Variants in UBE2E1 observed in about 807,000 individuals in gnomAD.
UBE2E1 encodes ubiquitin conjugating enzyme E2 E1.
UBE2E1 carries 6 observed loss-of-function variants against 21.4 expected under a neutral mutation model. The observed-to-expected ratio is 0.28, with a 90% CI of 0.15 to 0.55. The LOEUF (loss-of-function observed/expected upper bound fraction) is 0.55. Ranked by LOEUF, UBE2E1 falls within the 20% of genes least tolerant of loss-of-function variation. The pLI is 0.93. For synonymous variants in UBE2E1, 87 were observed against 82.7 expected (o/e 1.05, Z -0.28); for missense variants, 142 against 236.5 (o/e 0.60, Z 2.62).
chr3:23,815,516 A>G (rs1699496572), intron 3 of UBE2E1, among the ~76,000 whole-genome samples: 2 of 152,234 alleles, frequency 1.3e-5, no homozygotes. Context: ...AGCACTTTGT[A>G]TACTTCCACG....
intron 3 of UBE2E1, among the ~76,000 whole-genome samples, chr3:23,860,287 G>A (rs1162853446): frequency 1.3e-5 from 2 of 152,178 alleles, no homozygotes; most frequent in Non-Finnish European, 2.9e-5. Context: ...GCTGGTGACT[G>A]CACCTCACTA....
intron 3 of UBE2E1, among the ~76,000 whole-genome samples, chr3:23,833,357 T>G (rs1283978407): frequency 6.6e-6 from 1 of 152,224 alleles, no homozygotes; most frequent in Non-Finnish European, 1.5e-5. Flanking sequence ...TTAATAGACC[T>G]TCCCACTAGG....
chr3:23,857,311 TAAAGTA>T (rs1198698404), intron 3 of UBE2E1, among the ~76,000 whole-genome samples: 1 of 152,102 alleles, frequency 6.6e-6, no homozygotes, highest in African/African-American at 2.4e-5. Context: ...TATTCACTGT[TAAAGTA>T]AAAGAGGAAT....
chr3:23,866,271 G>A (rs1175838329), intron 3 of UBE2E1: 1 of 152,576 alleles, frequency 6.6e-6, no homozygotes, highest in Non-Finnish European at 1.5e-5. Context: ...TGGAGAGGGA[G>A]GGAACAAAGA....
At chr3:23,824,128 T>G (rs956671825) in intron 3 of UBE2E1, among the ~76,000 whole-genome samples, 7 of 152,240 alleles carry the variant, frequency 4.6e-5, no homozygotes, top group Admixed American at 4.6e-4. Flanking sequence ...TACTTCTACA[T>G]TTTACTGTAA....
chr3:23,831,518 C>CTTTTTT (rs11430039), intron 3 of UBE2E1, among the ~76,000 whole-genome samples: 7 of 137,198 alleles, frequency 5.1e-5, no homozygotes, highest in East Asian at 2.1e-4. Flanking sequence ...AAAATGAATA[C>CTTTTTT]TTTTTTTTTT....
intron 3 of UBE2E1, among the ~76,000 whole-genome samples, chr3:23,820,988 T>A (rs1699631395): frequency 6.6e-6 from 1 of 152,192 alleles, no homozygotes; most frequent in African/African-American, 2.4e-5. Context: ...GTGATGCAGC[T>A]CAAAAAGTCA....
chr3:23,846,476 C>G (rs1700206381), intron 3 of UBE2E1, among the ~76,000 whole-genome samples: 7 of 152,090 alleles, frequency 4.6e-5, no homozygotes, highest in Admixed American at 4.6e-4. Flanking sequence ...GTGGGCAGAT[C>G]ACCTGAGGTC....
intron 3 of UBE2E1, among the ~76,000 whole-genome samples, chr3:23,855,785 A>AG (rs1700422057): frequency 1.3e-5 from 2 of 152,060 alleles, no homozygotes; most frequent in Admixed American, 1.3e-4. Context: ...AGCCAAGATC[A>AG]TGCCACTGCA....
chr3:23,884,873 C>T (rs1335616935), intron 3 of UBE2E1, among the ~76,000 whole-genome samples: 1 of 152,178 alleles, frequency 6.6e-6, no homozygotes, highest in African/African-American at 2.4e-5. Context: ...TTACCATAAA[C>T]TAGATAAAAG....
At chr3:23,852,076 C>T (rs1029066804) in intron 3 of UBE2E1, among the ~76,000 whole-genome samples, 16 of 152,334 alleles carry the variant, frequency 1.1e-4, no homozygotes, top group Middle Eastern at 3.4e-3. Flanking sequence ...GCTCTCCCTT[C>T]ATCTTCTGCC....
chr3:23,887,528 G>A lies in UBE2E1; in HGVS notation c.204-39G>A. ...TTAATACACTGTAAAAATTGGGATA[G>A]TGCCACCATCTGCTTATTTGTTGAC... On this transcript the variant is annotated intron_variant, in intron 3 of 5. Transcript: ENST00000306627. This position sits in a 1 kb window ranked among gnomAD's most constrained non-coding sequence, Gnocchi z 4.4. 3 of 1,583,526 alleles carry A rather than the reference G, an allele frequency of 1.9e-6. No individual in the cohort carries two copies. Among genetic ancestry groups the A allele is most frequent in the Non-Finnish European group, 2.6e-6 (3 of 1,169,084 alleles).
At position 23,836,790 on chromosome 3, in the gene UBE2E1, A is replaced by G. The variant is rs1270461513; in HGVS notation, c.203+25280A>G. On this transcript the variant is annotated intron_variant, in intron 3 of 5. Coordinates refer to ENST00000306627, the MANE Select transcript of UBE2E1 (RefSeq NM_003341.5). This position sits in a 1 kb window ranked among gnomAD's most constrained non-coding sequence, Gnocchi z 4.1. The stretch of plus-strand genomic sequence containing the variant: ...AGGGGCATGTGAAAGTAAATGACAT[A>G]TGACAGACAGAATCATGCCCAGGAA... Among the ~76,000 whole-genome samples the G allele has an allele frequency of 6.6e-6, 1 of 152,198 alleles. No individual in the cohort carries two copies. The highest frequency in any genetic ancestry group is 1.5e-5 in the Non-Finnish European group (1 of 68,032).
intron 3 of UBE2E1, among the ~76,000 whole-genome samples, chr3:23,873,450 A>T (rs112583730): frequency 8.5e-5 from 13 of 152,080 alleles, no homozygotes; most frequent in Admixed American, 8.5e-4. Context: ...CAGCAGCAAA[A>T]TGTCAGAATT....
intron 5 of UBE2E1, chr3:23,889,692 G>T: frequency 3.0e-6 from 3 of 985,350 alleles, no homozygotes; most frequent in Non-Finnish European, 3.6e-6. Flanking sequence ...TTTGAAAATG[G>T]TAGTTGTTAA....
chr3:23,807,504 A>G, intron 2 of UBE2E1, 83 bp downstream of exon 2: 1 of 1,525,050 alleles, frequency 6.6e-7, no homozygotes, highest in Non-Finnish European at 8.9e-7. Flanking sequence ...CAATGAGGAT[A>G]GCTTAAACGC....
At chr3:23,827,827 A>G (rs1380907594) in intron 3 of UBE2E1, among the ~76,000 whole-genome samples, 1 of 152,172 alleles carries the variant, frequency 6.6e-6, no homozygotes, top group Middle Eastern at 3.2e-3. Context: ...TAAGGTCCTA[A>G]CTGCCCTTAG....
chr3:23,833,000 C>T (rs1699901483), intron 3 of UBE2E1, among the ~76,000 whole-genome samples: 1 of 152,136 alleles, frequency 6.6e-6, no homozygotes, highest in East Asian at 1.9e-4. Flanking sequence ...TGCCATTGTA[C>T]TCCAGCCTGG....
In UBE2E1 at chr3:23,836,074, T is replaced by C. The variant is rs1359924165; in HGVS notation, c.203+24564T>C. ...TGAGCTTTTGCTGTTGATGTTAAGA[T>C]TACGATTTTTCTGTTAAATAGGACA... On this transcript the variant is annotated intron_variant, in intron 3 of 5. Transcript: ENST00000306627. This position sits in a 1 kb window ranked among gnomAD's most constrained non-coding sequence, Gnocchi z 4.1. Among the ~76,000 whole-genome samples the C allele has an allele frequency of 6.6e-6, 1 of 152,194 alleles. No individual in the cohort carries two copies. The highest frequency in any genetic ancestry group is 1.5e-5 in the Non-Finnish European group (1 of 68,028).
Sources: allele counts gnomAD v4.1 joint callset (sites outside exome capture counted in the v4.1 genomes callset), GRCh38; gene constraint gnomAD v4.1.1; non-coding constraint Gnocchi (gnomAD v3.1); transcripts MANE v1.5; gene names NCBI Gene and HGNC (gene_info 2026-07-23, HGNC 2026-07-21).